PCDH11X: variants seen among roughly 807,000 people sequenced by gnomAD.
The protein encoded by PCDH11X is protocadherin 11 X-linked, also known as protocadherin-11 X-linked.
Under a neutral mutation model 53.3 loss-of-function variants are expected in PCDH11X, and 18 were observed. The observed-to-expected ratio is 0.34, with a 90% confidence interval of 0.23 to 0.50. The LOEUF (loss-of-function observed/expected upper bound fraction) is 0.50. Ranked by LOEUF, PCDH11X falls within the 20% of genes least tolerant of loss-of-function variation. The pLI is 0.98. For missense variants in PCDH11X, 570 were observed against 1,032.4 expected (o/e 0.55, Z 6.14); for synonymous variants, 279 against 393.3 (o/e 0.71, Z 3.44).
intron 6 of PCDH11X, among the ~76,000 whole-genome samples, chrX:92,090,255 A>C (rs1220399177): frequency 8.9e-6 from 1 of 111,793 alleles, no homozygotes; most frequent in African/African-American, 3.2e-5. Context: ...TATCAGATAC[A>C]GTGCCACCTT....
intron 6 of PCDH11X, among the ~76,000 whole-genome samples, chrX:91,978,214 G>A (rs1478386896): frequency 4.6e-5 from 5 of 109,205 alleles, no homozygotes; most frequent in East Asian, 2.9e-4. Flanking sequence ...ACCTAGTCCC[G>A]TTAGCCTGAG....
intron 8 of PCDH11X, among the ~76,000 whole-genome samples, chrX:92,308,488 C>T (rs1169153653): frequency 9.0e-6 from 1 of 110,503 alleles, no homozygotes; most frequent in African/African-American, 3.3e-5. Context: ...ATGCCATATA[C>T]AAAAATTAAT....
chrX:92,258,557 C>T (rs1047945790), intron 7 of PCDH11X, among the ~76,000 whole-genome samples: 3 of 109,403 alleles, frequency 2.7e-5, no homozygotes, highest in Non-Finnish European at 3.8e-5. Flanking sequence ...TTAGTGGAGA[C>T]GGGGTTTCAC....
intron 1 of PCDH11X, among the ~76,000 whole-genome samples, chrX:91,798,847 T>C (rs745611910): frequency 2.4e-3 from 269 of 110,852 alleles, no homozygotes; most frequent in African/African-American, 8.6e-3. Context: ...TACCACTACA[T>C]AGCAGTGAGG....
chrX:92,305,653 C>T (rs2068811575), intron 8 of PCDH11X, among the ~76,000 whole-genome samples: 1 of 108,021 alleles, frequency 9.3e-6, no homozygotes, highest in Non-Finnish European at 1.9e-5. Flanking sequence ...CAGTTTATAA[C>T]ACCTGTTAAG....
intron 1 of PCDH11X, among the ~76,000 whole-genome samples, chrX:91,792,128 C>T (rs1286333344): frequency 6.7e-4 from 73 of 109,257 alleles, no homozygotes; most frequent in African/African-American, 2.1e-3. Flanking sequence ...GGATTACAGG[C>T]GTGAGCCACC....
intron 8 of PCDH11X, among the ~76,000 whole-genome samples, chrX:92,270,862 T>C (rs1391531813): frequency 8.9e-6 from 1 of 112,108 alleles, no homozygotes; most frequent in East Asian, 2.8e-4. Context: ...TGACTCAGCT[T>C]TGAGCTTAAT....
At chrX:92,603,740 A>C (rs1197045997) in intron 10 of PCDH11X, among the ~76,000 whole-genome samples, 12 of 98,453 alleles carry the variant, frequency 1.2e-4, no homozygotes, top group African/African-American at 4.6e-4. Flanking sequence ...TATTGCTAGC[A>C]TATCCATGTT....
intron 8 of PCDH11X, among the ~76,000 whole-genome samples, chrX:92,358,371 A>C: frequency 2.2e-5 from 1 of 45,484 alleles, no homozygotes; most frequent in Non-Finnish European, 4.3e-5. Flanking sequence ...AGAGAATAGA[A>C]CTCCTGTTAC....
At chrX:91,837,862 T>C (rs1602332277) in intron 5 of PCDH11X, among the ~76,000 whole-genome samples, 1 of 111,688 alleles carries the variant, frequency 9.0e-6, no homozygotes, top group Non-Finnish European at 1.9e-5. Context: ...AAGTACTTAG[T>C]AGCTAGTGCT....
At chrX:91,926,097 C>G (rs1374815676) in intron 6 of PCDH11X, among the ~76,000 whole-genome samples, 2 of 103,921 alleles carry the variant, frequency 1.9e-5, no homozygotes, top group Non-Finnish European at 3.9e-5. Flanking sequence ...CACACACACA[C>G]ACACACACAC....
intron 10 of PCDH11X, among the ~76,000 whole-genome samples, chrX:92,489,580 T>C (rs1034767643): frequency 1.1e-4 from 12 of 109,144 alleles, no homozygotes; most frequent in East Asian, 8.6e-4. Flanking sequence ...GCTTTTTTTT[T>C]CCCCTTCAGA....
At chrX:91,982,136 A>C (rs1250311382) in intron 6 of PCDH11X, among the ~76,000 whole-genome samples, 6 of 110,862 alleles carry the variant, frequency 5.4e-5, no homozygotes, top group Admixed American at 2.9e-4. Flanking sequence ...AATGGCACAA[A>C]AGAAAGAGTG....
At chrX:92,052,283 A>G (rs1371924767) in intron 6 of PCDH11X, among the ~76,000 whole-genome samples, 2 of 107,045 alleles carry the variant, frequency 1.9e-5, no homozygotes, top group East Asian at 3.0e-4. Context: ...TGCAATCCCA[A>G]TAAAGTCCAG....
chrX:92,456,274 A>C (rs1457866821), intron 9 of PCDH11X, among the ~76,000 whole-genome samples: 2 of 111,826 alleles, frequency 1.8e-5, no homozygotes, highest in Admixed American at 1.9e-4. Context: ...ACTAAATTTC[A>C]GTCAAATTCT....
intron 10 of PCDH11X, among the ~76,000 whole-genome samples, chrX:92,523,191 C>T (rs879005533): frequency 4.5e-5 from 5 of 112,039 alleles, no homozygotes; most frequent in African/African-American, 9.7e-5. Context: ...TTTTTCTCAG[C>T]GATGCACTGC....
At chrX:92,297,235 G>T (rs2068627904) in intron 8 of PCDH11X, among the ~76,000 whole-genome samples, 1 of 108,670 alleles carries the variant, frequency 9.2e-6, no homozygotes, top group African/African-American at 3.4e-5. Context: ...CCTATGTCCA[G>T]AATGGTCTTT....
intron 4 of PCDH11X, among the ~76,000 whole-genome samples, chrX:91,819,295 G>C (rs1053504258): frequency 1.0e-4 from 11 of 107,736 alleles, no homozygotes; most frequent in African/African-American, 3.7e-4. Context: ...ATTTAAAGAA[G>C]AGGAATCTAA....
chrX:92,370,078 T>A (rs2148550768), intron 8 of PCDH11X, among the ~76,000 whole-genome samples: 1 of 108,452 alleles, frequency 9.2e-6, no homozygotes, highest in African/African-American at 3.4e-5. Flanking sequence ...TTTTTTTGCA[T>A]TTTTTGCATG....
Sources: gnomAD v4.1 joint callset for allele counts (sites outside exome capture counted in the v4.1 genomes callset) on GRCh38, gnomAD v4.1.1 for gene constraint, MANE v1.5 for transcripts, NCBI Gene and HGNC (gene_info 2026-07-23, HGNC 2026-07-21) for gene names.